The following MME variants were observed in gnomAD, a reference collection of about 807,000 sequenced individuals.
MME encodes neprilysin.
MME carries 98 observed loss-of-function variants against 113.2 expected under a neutral mutation model. The ratio of observed to expected loss-of-function variants is 0.87; its 90% CI spans 0.74 to 1.02. The LOEUF (loss-of-function observed/expected upper bound fraction) is 1.02, where lower values mean the gene tolerates loss of function less well. Among genes scored for constraint, MME ranks in the 50% least tolerant of loss-of-function variants. The pLI is 0.00. For missense variants in MME, 836 were observed against 896.0 expected, an observed-to-expected ratio of 0.93 and a Z score of 0.86; for synonymous variants, 292 against 300.6, an observed-to-expected ratio of 0.97 and a Z score of 0.30.
At chr3:155,032,868 T>C (rs767550328) in intron 1 of MME, among the ~76,000 whole-genome samples, 5 of 152,240 alleles carry the variant, frequency 3.3e-5, no homozygotes, top group Non-Finnish European at 7.3e-5. Flanking sequence ...GAATCACTTA[T>C]ATAGACAAAG....
At chr3:155,026,593 G>T (rs750968655) in intron 1 of MME, among the ~76,000 whole-genome samples, 2 of 152,080 alleles carry the variant, frequency 1.3e-5, no homozygotes, top group Non-Finnish European at 2.9e-5. Flanking sequence ...GTGTGGTGGC[G>T]CGTGCCTTTC....
intron 3 of MME, among the ~76,000 whole-genome samples, chr3:155,097,364 G>C (rs1018850112): frequency 1.3e-5 from 2 of 152,114 alleles, no homozygotes; most frequent in East Asian, 3.9e-4. Context: ...AAGAAACCGA[G>C]AAGTAATCAG....
intron 8 of MME, among the ~76,000 whole-genome samples, chr3:155,134,645 T>C (rs1475435669): frequency 6.6e-5 from 10 of 152,172 alleles, no homozygotes; most frequent in African/African-American, 2.2e-4. Flanking sequence ...TTCTTTTGGG[T>C]ATATATCCAA....
At position 155,087,003 on chromosome 3, in the gene MME, TTG is replaced by T. The variant is rs1438379293; in HGVS notation, c.196+1911_196+1912del. Among the ~76,000 whole-genome samples the T allele has an allele frequency of 2.6e-5, 3 of 113,258 alleles. 1 individual carries two copies. The highest frequency in any genetic ancestry group is 1.6e-4 in the Admixed American group (2 of 12,550). 74.3% of individuals were successfully genotyped at this position (113,258 alleles called of 152,430 possible). Reference sequence around the variant, plus strand: ...GGTTTTTTGTTTTTTTTGTTTTTTTTTGTTTTTTTTTTTTGTAGAGACAGGGT... The same window carrying T: ...GGTTTTTTGTTTTTTTTGTTTTTTTTTTTTTTTTTTTTGTAGAGACAGGGT... On this transcript the variant is annotated intron_variant, in intron 3 of 22. Transcript: ENST00000360490.
chr3:155,081,195 A>G (rs936188003), intron 1 of MME: 1 of 152,236 alleles, frequency 6.6e-6, no homozygotes, highest in Non-Finnish European at 1.5e-5. Flanking sequence ...AGCTTCAGGA[A>G]CCTGCAGATA....
chr3:155,081,330 A>G (rs531197301), intron 1 of MME: 1 of 152,362 alleles, frequency 6.6e-6, no homozygotes, highest in East Asian at 1.9e-4. Context: ...TGTCTGATAT[A>G]GTAATGCTTA....
intron 21 of MME, 87 bp downstream of exon 21, chr3:155,172,299 T>C: frequency 1.1e-6 from 1 of 951,344 alleles, no homozygotes; most frequent in Non-Finnish European, 1.7e-6. Flanking sequence ...CTGAGTTCCC[T>C]TGTTTTACAG....
upstream of MME, among the ~76,000 whole-genome samples, chr3:155,076,267 T>C (rs1319062697): frequency 1.3e-5 from 2 of 152,216 alleles, no homozygotes. Flanking sequence ...AAAGCAAGTA[T>C]ATCTATGTTT....
At chr3:155,043,969 T>C (rs908253523) in intron 1 of MME, among the ~76,000 whole-genome samples, 4 of 152,100 alleles carry the variant, frequency 2.6e-5, no homozygotes, top group African/African-American at 9.7e-5. Flanking sequence ...TTGCTAGCTT[T>C]GCAATGTTGA....
Position 155,142,220 on chromosome 3 carries a change from T to C in MME, c.1095-17T>C, listed in dbSNP as rs1350181870. ...CCTCATCTTTTCTGTTGCTGGGCGGTGGTTTTTTTTATACAGAGATCTTCA... is the reference window on the plus strand; with the variant it reads ...CCTCATCTTTTCTGTTGCTGGGCGGCGGTTTTTTTTATACAGAGATCTTCA... On this transcript the variant is annotated splice_polypyrimidine_tract_variant and intron_variant, in intron 11 of 22. Transcript: ENST00000360490. 39 of 1,612,696 alleles carry C rather than the reference T, an allele frequency of 2.4e-5. No homozygotes were observed. The highest frequency in any genetic ancestry group is 3.3e-5 in the Non-Finnish European group (39 of 1,178,990).
intron 1 of MME, among the ~76,000 whole-genome samples, chr3:155,067,466 A>G (rs1261270176): frequency 2.6e-5 from 4 of 151,778 alleles, no homozygotes; most frequent in Non-Finnish European, 4.4e-5. Flanking sequence ...GCGTGCCACC[A>G]TGCCTGGCTA....
chr3:155,084,190 T>G lies in MME; in HGVS notation c.23T>G (p.Met8Arg). ...GTGATGGGCAAGTCAGAAAGTCAGA[T>G]GGATATAACTGATATCAACACTCCA... MGKSESQ[M>R]DITDINTPKP... The change falls in exon 2 of 23, where the codon ATG becomes AGG. Residue 8 changes from methionine (M) to arginine (R), a missense_variant. Met to Arg is a moderately conservative substitution (Grantham distance 91, BLOSUM62 -1). Coordinates refer to ENST00000360490, the MANE Select transcript of MME (RefSeq NM_007289.4). The G allele has an allele frequency of 6.2e-7, 1 of 1,614,174 alleles. No homozygotes were observed.
At chr3:155,140,044 T>C (rs1720938804) in intron 9 of MME, 147 bp from the exon 10 acceptor site, 1 of 500,520 alleles carries the variant, frequency 2.0e-6, no homozygotes, top group African/African-American at 2.0e-5. Flanking sequence ...TTCACTTTTT[T>C]TGAAATGACA....
At chr3:155,100,205 GA>G (rs1195192404) in intron 3 of MME, among the ~76,000 whole-genome samples, 2 of 151,976 alleles carry the variant, frequency 1.3e-5, no homozygotes, top group Non-Finnish European at 2.9e-5. Context: ...AAATTTACAA[GA>G]AAAAAACAAG....
At chr3:155,175,555 C>A (rs1712432203) in intron 22 of MME, among the ~76,000 whole-genome samples, 1 of 151,614 alleles carries the variant, frequency 6.6e-6, no homozygotes, top group Non-Finnish European at 1.5e-5. Context: ...AATTATTTAG[C>A]TGTAATTTTC....
intron 3 of MME, among the ~76,000 whole-genome samples, chr3:155,113,488 C>T (rs1267345418): frequency 2.0e-5 from 3 of 152,002 alleles, no homozygotes; most frequent in Non-Finnish European, 4.4e-5. Flanking sequence ...TCATGTTGGC[C>T]AGGCTGGTAT....
rs200862885 is a variant in MME at position 155,180,348 on chromosome 3, T to G, written c.2154-12T>G. On this transcript the variant is annotated splice_polypyrimidine_tract_variant and intron_variant, in intron 22 of 22. Transcript: ENST00000360490. ...CAAATGCTGACGGTGACTTTTTTTG[T>G]TTGTTTCAAAGGATTATTGGGACTT... The G allele has an allele frequency of 1.1e-5, 17 of 1,609,348 alleles. No homozygotes were observed. Among genetic ancestry groups the G allele is most frequent in the Non-Finnish European group, 1.3e-5 (15 of 1,175,776 alleles).
chr3:155,099,734 C>A (rs1014417447), intron 3 of MME, among the ~76,000 whole-genome samples: 4 of 152,134 alleles, frequency 2.6e-5, no homozygotes, highest in African/African-American at 7.2e-5. Flanking sequence ...TGAACTCATC[C>A]TTTTTATGGC....
At chr3:155,053,605 T>C (rs1457986437) in intron 1 of MME, among the ~76,000 whole-genome samples, 2 of 152,140 alleles carry the variant, frequency 1.3e-5, no homozygotes, top group Non-Finnish European at 2.9e-5. Context: ...CAATTCAAGA[T>C]GAGCTTTGGG....
Sources: allele counts gnomAD v4.1 joint callset (sites outside exome capture counted in the v4.1 genomes callset), GRCh38; gene constraint gnomAD v4.1.1; transcripts MANE v1.5; gene names NCBI Gene and HGNC (gene_info 2026-07-23, HGNC 2026-07-21).